The following THRB variants were observed in gnomAD, a reference collection of about 807,000 sequenced individuals.
THRB encodes the protein thyroid hormone receptor beta.
In THRB, 12 loss-of-function variants were observed where a neutral mutation model predicts 47.8. That is an observed-to-expected ratio of 0.25 (90% confidence interval 0.16 to 0.41). THRB has a LOEUF of 0.41. THRB is among the 10% of genes least tolerant of loss of function. THRB has a pLI of 1.00. For missense variants in THRB, 348 were observed against 589.2 expected, an observed-to-expected ratio of 0.59 and a Z score of 4.24; for synonymous variants, 218 against 212.2, an observed-to-expected ratio of 1.03 and a Z score of -0.24.
At chr3:24,309,457 C>T (rs1285019585) in intron 2 of THRB, among the ~76,000 whole-genome samples, 1 of 152,148 alleles carries the variant, frequency 6.6e-6, no homozygotes, top group Admixed American at 6.5e-5. Context: ...GAGTTGTTTT[C>T]TGTCTGTTCT....
intron 5 of THRB, among the ~76,000 whole-genome samples, chr3:24,168,206 C>T (rs778441007): frequency 7.9e-5 from 12 of 152,116 alleles, no homozygotes; most frequent in Admixed American, 5.9e-4. Flanking sequence ...TCAACACTTA[C>T]ATTGAATTTG....
At chr3:24,455,403 G>C (rs1182668046) in intron 1 of THRB, 3 of 152,044 alleles carry the variant, frequency 2.0e-5, no homozygotes, top group Admixed American at 6.5e-5. Flanking sequence ...GTCTTACTTA[G>C]TTGTGGGTCT....
chr3:24,249,992 C>T (rs1457493400), intron 3 of THRB, among the ~76,000 whole-genome samples: 2 of 152,114 alleles, frequency 1.3e-5, no homozygotes, highest in Middle Eastern at 3.2e-3. Context: ...TACTTTTGCA[C>T]CAACCTAGTA....
chr3:24,494,029 C>G (rs1286922790), intron 1 of THRB: 1 of 152,608 alleles, frequency 6.6e-6, no homozygotes, highest in African/African-American at 2.4e-5. Context: ...AGCGAAGGAG[C>G]GCGACCCAGG....
At chr3:24,203,651 CAGTGGGTGCAGGAG>C (rs1478032856) in intron 4 of THRB, among the ~76,000 whole-genome samples, 3 of 152,270 alleles carry the variant, frequency 2.0e-5, no homozygotes, top group South Asian at 4.1e-4. Context: ...GCTTTTCGGA[CAGTGGGTGCAGGAG>C]AGTGGGTGCA....
intron 3 of THRB, among the ~76,000 whole-genome samples, chr3:24,287,363 T>C (rs1284191735): frequency 6.6e-6 from 1 of 152,218 alleles, no homozygotes; most frequent in African/African-American, 2.4e-5. Context: ...AGTTGGACTG[T>C]ATGTTTGTCA....
chr3:24,332,941 C>T (rs1408598511), intron 2 of THRB, among the ~76,000 whole-genome samples: 1 of 151,964 alleles, frequency 6.6e-6, no homozygotes, highest in Admixed American at 6.6e-5. Flanking sequence ...AAAAATTAGC[C>T]GGGCGTGGTG....
intron 3 of THRB, among the ~76,000 whole-genome samples, chr3:24,255,972 T>G (rs1158930824): frequency 6.6e-6 from 1 of 152,198 alleles, no homozygotes; most frequent in Non-Finnish European, 1.5e-5. Flanking sequence ...ACATGGATGC[T>G]ATTGCTTTAG....
intron 3 of THRB, among the ~76,000 whole-genome samples, chr3:24,294,860 T>G (rs1328604230): frequency 6.6e-6 from 1 of 152,228 alleles, no homozygotes; most frequent in Non-Finnish European, 1.5e-5. Flanking sequence ...AAGGAAACTT[T>G]CCCTTAATGC....
At chr3:24,356,868 C>T (rs1015922842) in intron 1 of THRB, among the ~76,000 whole-genome samples, 21 of 152,226 alleles carry the variant, frequency 1.4e-4, no homozygotes, top group African/African-American at 4.6e-4. Flanking sequence ...TTCCTTCTCC[C>T]ACCCTCCTGT....
intron 3 of THRB, among the ~76,000 whole-genome samples, chr3:24,257,468 T>TA (rs1422739500): frequency 6.6e-6 from 1 of 152,220 alleles, no homozygotes; most frequent in South Asian, 2.1e-4. Context: ...TGCTTCATAG[T>TA]AAAAAAAGAA....
chr3:24,369,328 C>T (rs191177381), intron 1 of THRB, among the ~76,000 whole-genome samples: 4 of 152,184 alleles, frequency 2.6e-5, no homozygotes, highest in Admixed American at 6.5e-5. Flanking sequence ...GTTTGACTCT[C>T]GTTTTGCAAA....
At chr3:24,486,020 G>A (rs191477417) in intron 1 of THRB, among the ~76,000 whole-genome samples, 17 of 152,068 alleles carry the variant, frequency 1.1e-4, no homozygotes, top group East Asian at 3.9e-4. Flanking sequence ...CCCACTCCAC[G>A]GCCCCAGTTC....
At chr3:24,314,589 G>C (rs568532994) in intron 2 of THRB, among the ~76,000 whole-genome samples, 2 of 152,250 alleles carry the variant, frequency 1.3e-5, no homozygotes, top group East Asian at 1.9e-4. Context: ...CTCTTTTCCT[G>C]AGGGAAATAC....
In THRB at chr3:24,120,258, T is replaced by C. The variant is rs937829963; in HGVS notation, c.*2626A>G. On this transcript the variant is annotated 3_prime_UTR_variant, in exon 11 of 11. Transcript: ENST00000646209. ...GGCTTGTCCTACTCCGCATGAAGTA[T>C]TCAGCCTTCAACGAGATTTCCAGAC... The C allele has an allele frequency of 6.6e-6, 1 of 152,222 alleles. No individual in the cohort carries two copies. Among genetic ancestry groups the C allele is most frequent in the African/African-American group, 2.4e-5 (1 of 41,454 alleles). 9.4% of individuals were successfully genotyped at this position (152,222 alleles called of 1,614,324 possible).
At chr3:24,160,561 C>A (rs374374791) in intron 5 of THRB, among the ~76,000 whole-genome samples, 1 of 152,042 alleles carries the variant, frequency 6.6e-6, no homozygotes, top group African/African-American at 2.4e-5. Context: ...CAGCTGGTAC[C>A]GAGGGAGCTG....
At chr3:24,152,638 A>AT in intron 5 of THRB, 148 bp from the exon 6 acceptor site, 1 of 659,640 alleles carries the variant, frequency 1.5e-6, no homozygotes, top group East Asian at 2.8e-5. Context: ...AACGGTAAGA[A>AT]TTTTATACTC....
At chr3:24,426,472 T>A (rs2069772228) in intron 1 of THRB, among the ~76,000 whole-genome samples, 1 of 151,912 alleles carries the variant, frequency 6.6e-6, no homozygotes, top group Admixed American at 6.6e-5. Context: ...AAAACCAATC[T>A]GGCTTTTGTT....
intron 1 of THRB, among the ~76,000 whole-genome samples, chr3:24,492,492 AG>A (rs1300891083): frequency 6.6e-6 from 1 of 152,234 alleles, no homozygotes; most frequent in Middle Eastern, 3.2e-3. Context: ...TGAGAAGACC[AG>A]GGCGAAGAAA....
Sources: gnomAD v4.1 joint callset for allele counts (sites outside exome capture counted in the v4.1 genomes callset) on GRCh38, gnomAD v4.1.1 for gene constraint, MANE v1.5 for transcripts, NCBI Gene and HGNC (gene_info 2026-07-23, HGNC 2026-07-21) for gene names.